Variants in SDK1 observed in about 807,000 individuals in gnomAD.
SDK1 encodes sidekick cell adhesion molecule 1.
In SDK1, 157 loss-of-function variants were observed where a neutral mutation model predicts 245.5. That is an observed-to-expected ratio of 0.64 (90% confidence interval 0.56 to 0.73). The LOEUF is 0.73. Ranked by LOEUF, SDK1 falls within the 30% of genes least tolerant of loss-of-function variation. The pLI is 0.00. For missense variants in SDK1, 3,583 were observed against 3,002.3 expected, an observed-to-expected ratio of 1.19 and a Z score of -4.52; for synonymous variants, 1,647 against 1,278.5, an observed-to-expected ratio of 1.29 and a Z score of -6.15.
chr7:4,253,571 A>G (rs1024389466), intron 44 of SDK1, among the ~76,000 whole-genome samples: 1 of 152,172 alleles, frequency 6.6e-6, no homozygotes, highest in African/African-American at 2.4e-5. Flanking sequence ...ATACTGGAGA[A>G]TGTTTCCTAT....
Position 3,821,411 on chromosome 7 carries a change from G to A in SDK1, c.714-39G>A, listed in dbSNP as rs766263567. The A allele has an allele frequency of 1.9e-6, 3 of 1,586,766 alleles. No individual in the cohort carries two copies. In the South Asian group the frequency reaches 3.5e-5, roughly 18 times the overall value. ...TTGTCTTACAAGTAGGAAGTTCCCT[G>A]GAGTAGCTTTGACACTGTCCTCTTC... is the stretch of plus-strand genomic sequence containing the variant. On this transcript the variant is annotated intron_variant, in intron 4 of 44. Transcript: ENST00000404826.
chr7:3,560,018 G>C (rs1420479842), intron 1 of SDK1, among the ~76,000 whole-genome samples: 1 of 152,238 alleles, frequency 6.6e-6, no homozygotes, highest in Admixed American at 6.5e-5. Flanking sequence ...AGCCCCAGGA[G>C]ACAGGAGATA....
In SDK1 at chr7:3,883,506, G is replaced by A. The variant is rs141673611; in HGVS notation, c.847+61923G>A. 2.9e-3 allele frequency among the ~76,000 whole-genome samples: 446 copies of A among 152,224 alleles called. 5 individuals are homozygous for A. The highest frequency in any genetic ancestry group is 9.6e-3 in the African/African-American group (397 of 41,552). On this transcript the variant is annotated intron_variant, in intron 5 of 44. Transcript: ENST00000404826. The stretch of plus-strand genomic sequence containing the variant: ...TTTGAGGCCCCTAAAAAATCACGTC[G>A]TTGCCAAAATGAGTTCCAGAAATTC...
At chr7:4,215,667 G>A (rs1199439386) in intron 38 of SDK1, among the ~76,000 whole-genome samples, 2 of 152,242 alleles carry the variant, frequency 1.3e-5, no homozygotes, top group Non-Finnish European at 2.9e-5. Context: ...AGCTGGTTTG[G>A]TGGTGGTGGT....
chr7:3,833,159 G>C (rs7806075), intron 5 of SDK1, among the ~76,000 whole-genome samples: 13,780 of 152,086 alleles, frequency 0.091, 2,035 homozygotes, highest in African/African-American at 0.31. Context: ...CGGAACTCTA[G>C]AGAAGCTCTT....
At chr7:3,431,714 C>G (rs1446735002) in intron 1 of SDK1, among the ~76,000 whole-genome samples, 1 of 152,150 alleles carries the variant, frequency 6.6e-6, no homozygotes, top group Non-Finnish European at 1.5e-5. Flanking sequence ...GAGATATGAA[C>G]TGTTTTGCAA....
chr7:3,969,444 C>T lies in SDK1; in HGVS notation c.1714+20C>T, dbSNP rs369932117. The T allele has an allele frequency of 1.0e-5, 15 of 1,507,066 alleles. No homozygotes were observed. The highest frequency in any genetic ancestry group is 9.6e-5 in the South Asian group (7 of 73,126). The allele number at this position is 1,507,066 out of a possible 1,614,324, so 93.4% of individuals were successfully genotyped here. On this transcript the variant is annotated intron_variant, in intron 11 of 44. Transcript: ENST00000404826. Reference sequence around the variant, plus strand: ...TGTGGAGTAAGGAGCAGCCCTCGCACGTCGGCCTTCTGTTAGCCACGGTTT... The same window carrying T: ...TGTGGAGTAAGGAGCAGCCCTCGCATGTCGGCCTTCTGTTAGCCACGGTTT...
chr7:3,838,136 T>C (rs1417197955), intron 5 of SDK1, among the ~76,000 whole-genome samples: 1 of 152,236 alleles, frequency 6.6e-6, no homozygotes, highest in African/African-American at 2.4e-5. Flanking sequence ...CATGCATTCA[T>C]GGTCTATAGT....
At chr7:3,351,653 C>CAT in intron 1 of SDK1, among the ~76,000 whole-genome samples, 1 of 152,162 alleles carries the variant, frequency 6.6e-6, no homozygotes, top group Non-Finnish European at 1.5e-5. Flanking sequence ...TATCAGACAA[C>CAT]ATAGAAATCA....
At chr7:4,186,814 G>T (rs965360661) in intron 35 of SDK1, among the ~76,000 whole-genome samples, 2 of 152,176 alleles carry the variant, frequency 1.3e-5, no homozygotes, top group Non-Finnish European at 2.9e-5. Context: ...CGTATAGACA[G>T]TGCGGGTACA....
intron 5 of SDK1, among the ~76,000 whole-genome samples, chr7:3,842,343 C>G (rs923219036): frequency 6.6e-6 from 1 of 152,172 alleles, no homozygotes; most frequent in African/African-American, 2.4e-5. Context: ...GTGCCCTGGA[C>G]CAACAGTCAA....
chr7:3,781,595 C>T lies in SDK1; in HGVS notation c.714-39855C>T, dbSNP rs116072508. 5.5e-3 allele frequency among the ~76,000 whole-genome samples: 841 copies of T among 152,190 alleles called. 9 individuals are homozygous for T. The highest frequency in any genetic ancestry group is 0.019 in the African/African-American group (808 of 41,506). ...CCCAAAGAAATGGAGATCTGTAAAA[C>T]TGTTGACAAAGAATTCAGAATAGTA... On this transcript the variant is annotated intron_variant, in intron 4 of 44. Transcript: ENST00000404826.
At chr7:3,429,290 A>T (rs1779764911) in intron 1 of SDK1, among the ~76,000 whole-genome samples, 1 of 152,138 alleles carries the variant, frequency 6.6e-6, no homozygotes, top group Admixed American at 6.5e-5. Flanking sequence ...GATTACTTTT[A>T]CTTATTTGTA....
chr7:4,114,548 C>A, intron 25 of SDK1, among the ~76,000 whole-genome samples: 1 of 152,258 alleles, frequency 6.6e-6, no homozygotes, highest in South Asian at 2.1e-4. Flanking sequence ...TTTTCGCTAA[C>A]GATGAAAAGC....
chr7:4,045,711 T>C (rs4442012), intron 17 of SDK1, among the ~76,000 whole-genome samples: 44,251 of 151,970 alleles, frequency 0.29, 9,599 homozygotes, highest in African/African-American at 0.62. Context: ...GCGAGGGCCT[T>C]GGGCACTCCA....
At chr7:3,838,046 A>G (rs1024672248) in intron 5 of SDK1, among the ~76,000 whole-genome samples, 16 of 152,194 alleles carry the variant, frequency 1.1e-4, no homozygotes, top group African/African-American at 3.9e-4. Flanking sequence ...CTGAAGATCC[A>G]TGGTTGGGGA....
At chr7:3,902,870 A>C (rs923037196) in intron 5 of SDK1, among the ~76,000 whole-genome samples, 4 of 152,156 alleles carry the variant, frequency 2.6e-5, no homozygotes, top group African/African-American at 9.7e-5. Context: ...AAAAAATTGC[A>C]AACCATATAT....
intron 35 of SDK1, among the ~76,000 whole-genome samples, chr7:4,184,043 A>G (rs141472620): frequency 1.3e-5 from 2 of 152,346 alleles, no homozygotes; most frequent in Non-Finnish European, 2.9e-5. Flanking sequence ...CCAGTTCGCC[A>G]TTCCCTTTCT....
In SDK1 at chr7:4,208,259, C is replaced by T; in HGVS notation, c.5375C>T (p.Pro1792Leu). The T allele has an allele frequency of 1.2e-6, 2 of 1,613,578 alleles. No homozygotes were observed. Among genetic ancestry groups the T allele is most frequent in the Non-Finnish European group, 1.7e-6 (2 of 1,179,898 alleles). ...GCCGGAGATGGACCTAAGAGTGACC[C>T]CCAGCAGGGGCGCACCCACCAGGCC... ...NAAGDGPKSD[P>L]QQGRTHQAAP... is the part of the protein sequence containing the mutation. Residue 1792 changes from proline to leucine, a missense_variant, in exon 37 of 45, where the codon CCC becomes CTC. Pro to Leu is a moderately conservative substitution (Grantham distance 98, BLOSUM62 -3). Transcript: ENST00000404826.
Sources: gnomAD v4.1 joint callset for allele counts (sites outside exome capture counted in the v4.1 genomes callset) on GRCh38, gnomAD v4.1.1 for gene constraint, MANE v1.5 for transcripts, NCBI Gene and HGNC (gene_info 2026-07-23, HGNC 2026-07-21) for gene names.